SYNPR: variants seen among roughly 807,000 people sequenced by gnomAD.
SYNPR encodes the protein synaptoporin.
SYNPR carries 23 observed loss-of-function variants against 32.9 expected under a neutral mutation model. That is an observed-to-expected ratio of 0.70 (90% CI 0.50 to 0.99). SYNPR has a LOEUF of 0.99. Ranked by LOEUF, SYNPR falls within the 50% of genes least tolerant of loss-of-function variation. The pLI, the probability that SYNPR is intolerant of heterozygous loss-of-function variation, is 0.00. For synonymous variants in SYNPR, 146 were observed against 135.9 expected, an observed-to-expected ratio of 1.07 and a Z score of -0.52; for missense variants, 318 against 349.3, an observed-to-expected ratio of 0.91 and a Z score of 0.71.
intron 3 of SYNPR, among the ~76,000 whole-genome samples, chr3:63,546,283 G>T (rs1257093932): frequency 1.3e-5 from 2 of 152,104 alleles, no homozygotes; most frequent in Non-Finnish European, 2.9e-5. Flanking sequence ...TTTTACTCCA[G>T]ATCATACCTT....
At chr3:63,250,804 T>C (rs2086325022) in intron 1 of SYNPR, among the ~76,000 whole-genome samples, 1 of 152,158 alleles carries the variant, frequency 6.6e-6, no homozygotes, top group South Asian at 2.1e-4. Flanking sequence ...ACCTGCCTAC[T>C]CAGACTTTTG....
chr3:63,293,227 G>C (rs1416859850), intron 2 of SYNPR, among the ~76,000 whole-genome samples: 1 of 152,168 alleles, frequency 6.6e-6, no homozygotes, highest in Non-Finnish European at 1.5e-5. Flanking sequence ...AAGTGACCAA[G>C]GCAGGGTTTC....
intron 3 of SYNPR, among the ~76,000 whole-genome samples, chr3:63,555,035 A>G (rs969745130): frequency 5.9e-5 from 9 of 152,086 alleles, no homozygotes; most frequent in Admixed American, 3.3e-4. Context: ...GGTGTATAGA[A>G]ATGCTACTGA....
chr3:63,512,983 T>C lies in SYNPR; in HGVS notation c.209+32027T>C, dbSNP rs370964413. 1.1e-3 allele frequency among the ~76,000 whole-genome samples: 167 copies of C among 152,114 alleles called. 1 individual carries two copies. Among genetic ancestry groups the C allele is most frequent in the Non-Finnish European group, 2.0e-3 (137 of 67,984 alleles). On this transcript the variant is annotated intron_variant, in intron 3 of 5. Coordinates refer to ENST00000478300, the MANE Select transcript of SYNPR (RefSeq NM_001130003.2). ...TATTTTAGTCCTATGGTTAGCACAA[T>C]AGGATACCACAAATGTCTAGATCTG...
At chr3:63,498,492 C>T (rs928575842) in intron 3 of SYNPR, among the ~76,000 whole-genome samples, 4 of 152,028 alleles carry the variant, frequency 2.6e-5, no homozygotes, top group African/African-American at 7.2e-5. Flanking sequence ...AAAAATTAAA[C>T]AGAGTGATGT....
At chr3:63,203,736 C>T in the SYNPR span, among the ~76,000 whole-genome samples, 3,243 of 152,214 alleles carry the variant, frequency 0.021, 75 homozygotes, top group South Asian at 0.055. Flanking sequence ...GTGGCTTATG[C>T]CTGTAATCCC....
chr3:63,238,404 G>C (rs1208026175), intron 1 of SYNPR, among the ~76,000 whole-genome samples: 1 of 151,912 alleles, frequency 6.6e-6, no homozygotes. Flanking sequence ...GGTCTGATTG[G>C]TTCGGGCTTT....
chr3:63,305,533 A>G (rs2086900942), intron 2 of SYNPR, among the ~76,000 whole-genome samples: 1 of 152,032 alleles, frequency 6.6e-6, no homozygotes, highest in African/African-American at 2.4e-5. Context: ...CCCTTACAAA[A>G]ATTTTATGTT....
At chr3:63,533,185 T>C (rs1020796786) in intron 3 of SYNPR, among the ~76,000 whole-genome samples, 11 of 152,174 alleles carry the variant, frequency 7.2e-5, no homozygotes, top group African/African-American at 2.2e-4. Context: ...CAGGGTATGG[T>C]GTGTCCTTAA....
At chr3:63,531,352 T>A (rs1053024989) in intron 3 of SYNPR, among the ~76,000 whole-genome samples, 3 of 152,116 alleles carry the variant, frequency 2.0e-5, no homozygotes, top group Non-Finnish European at 4.4e-5. Context: ...ATTCCTTGCT[T>A]CTTCCTGGTT....
In SYNPR at chr3:63,480,854, C is replaced by T. The variant is rs752748848; in HGVS notation, c.107C>T (p.Ala36Val). ...LELLFAIFAF[A>V]TCGGYSGGLR... is the part of the protein sequence containing the mutation. ...CAGCTTTTTGCAATCTTTGCATTTG[C>T]AACATGCGGTGGCTATTCTGGAGGC... Residue 36 changes from alanine to valine, a missense_variant, in exon 3 of 6, where the codon GCA (alanine) becomes GTA (valine). Coordinates refer to ENST00000478300, the MANE Select transcript of SYNPR (RefSeq NM_001130003.2). 5 of 1,613,220 alleles carry T rather than the reference C, an allele frequency of 3.1e-6. No individual in the cohort carries two copies. The Admixed American group carries it at 8.3e-5, about 27-fold the overall frequency.
chr3:63,317,797 T>A (rs115849601), intron 2 of SYNPR, among the ~76,000 whole-genome samples: 4 of 151,900 alleles, frequency 2.6e-5, no homozygotes, highest in Admixed American at 2.0e-4. Context: ...TACTTTGTGG[T>A]TTTTGTTTGT....
chr3:63,608,822 T>G (rs1324058108), intron 4 of SYNPR, among the ~76,000 whole-genome samples: 1 of 152,224 alleles, frequency 6.6e-6, no homozygotes, highest in Non-Finnish European at 1.5e-5. Flanking sequence ...AATAGGATGA[T>G]GTACCATTCC....
chr3:63,421,129 G>A (rs1267192288), intron 2 of SYNPR, among the ~76,000 whole-genome samples: 3 of 151,998 alleles, frequency 2.0e-5, no homozygotes, highest in East Asian at 1.9e-4. Context: ...GTGATTCCCC[G>A]GTTTTGGCCT....
intron 3 of SYNPR, among the ~76,000 whole-genome samples, chr3:63,551,746 C>T (rs1357003406): frequency 1.3e-5 from 2 of 152,128 alleles, no homozygotes; most frequent in Non-Finnish European, 2.9e-5. Context: ...TTGGCTACCC[C>T]ACCCTCAAAC....
At chr3:63,553,578 T>A (rs138560892) in intron 3 of SYNPR, among the ~76,000 whole-genome samples, 65 of 152,360 alleles carry the variant, frequency 4.3e-4, no homozygotes, top group African/African-American at 1.5e-3. Flanking sequence ...TGTCAGCATC[T>A]GTTGGTTTTG....
At chr3:63,336,913 A>G (rs2087302864) in intron 2 of SYNPR, among the ~76,000 whole-genome samples, 1 of 152,136 alleles carries the variant, frequency 6.6e-6, no homozygotes, top group Non-Finnish European at 1.5e-5. Context: ...TAAAAACTGT[A>G]TAGACACCTA....
intron 1 of SYNPR, among the ~76,000 whole-genome samples, chr3:63,232,669 A>G (rs1051050627): frequency 6.6e-6 from 1 of 152,196 alleles, no homozygotes; most frequent in African/African-American, 2.4e-5. Flanking sequence ...TGTGAAGTGT[A>G]GAGTCCTTGA....
chr3:63,300,806 C>T (rs186960433), intron 2 of SYNPR, among the ~76,000 whole-genome samples: 25 of 152,174 alleles, frequency 1.6e-4, no homozygotes, highest in African/African-American at 5.5e-4. Flanking sequence ...AGCTCCTTCC[C>T]CTGCTCTATC....
Sources: allele counts gnomAD v4.1 joint callset (sites outside exome capture counted in the v4.1 genomes callset), GRCh38; gene constraint gnomAD v4.1.1; transcripts MANE v1.5; gene names NCBI Gene and HGNC (gene_info 2026-07-23, HGNC 2026-07-21).